The following TGFB1 variants were observed in gnomAD, a reference collection of about 807,000 sequenced individuals.
TGFB1 encodes transforming growth factor beta 1, also known as transforming growth factor beta-1 proprotein.
Under a neutral mutation model 43.8 loss-of-function variants are expected in TGFB1, and 19 were observed. The observed-to-expected ratio is 0.43, with a 90% confidence interval of 0.30 to 0.64. The LOEUF (loss-of-function observed/expected upper bound fraction) is 0.64, where lower values mean the gene tolerates loss of function less well. Ranked by LOEUF, TGFB1 falls within the 30% of genes least tolerant of loss-of-function variation. The pLI is 0.11. For synonymous variants in TGFB1, 221 were observed against 236.3 expected, an observed-to-expected ratio of 0.94 and a Z score of 0.60; for missense variants, 445 against 529.8, an observed-to-expected ratio of 0.84 and a Z score of 1.57.
chr19:41,343,402 G>C (rs2038081093), intron 3 of TGFB1, among the ~76,000 whole-genome samples: 1 of 152,124 alleles, frequency 6.6e-6, no homozygotes. Flanking sequence ...TCAAAGTGCT[G>C]GGATTACAGG....
At chr19:41,339,260 C>G (rs753355008) in intron 5 of TGFB1, among the ~76,000 whole-genome samples, 26 of 151,932 alleles carry the variant, frequency 1.7e-4, no homozygotes, top group Non-Finnish European at 3.5e-4. Context: ...GGACTACAGG[C>G]ACACACCACC....
chr19:41,335,482 AC>A (rs1317813242), intron 5 of TGFB1, among the ~76,000 whole-genome samples: 2 of 152,196 alleles, frequency 1.3e-5, no homozygotes, highest in Non-Finnish European at 2.9e-5. Flanking sequence ...CGGCAGCATC[AC>A]CTGGGAACTA....
intron 5 of TGFB1, among the ~76,000 whole-genome samples, chr19:41,337,289 C>T (rs188079840): frequency 7.9e-5 from 12 of 152,072 alleles, no homozygotes; most frequent in Admixed American, 3.9e-4. Flanking sequence ...TTACAGGGCC[C>T]GCCACCACGC....
rs572758374 is a variant in TGFB1, at chr19:41,341,804, T to C, written c.860+79A>G. On this transcript the variant is annotated intron_variant, in intron 5 of 6. Transcript: ENST00000221930. Reference sequence around the variant, plus strand: ...GCCCAAGCACAGCAGCAGCCAGGTGTCCAACCTGGAGCACCTGGTCAGCAG... The same window carrying C: ...GCCCAAGCACAGCAGCAGCCAGGTGCCCAACCTGGAGCACCTGGTCAGCAG... 8.9e-6 allele frequency: 14 copies of C among 1,569,398 alleles called. No individual in the cohort carries two copies. In the African/African-American group the frequency reaches 1.8e-4, roughly 20 times the overall value.
chr19:41,349,377 C>A (rs1281522922), intron 1 of TGFB1, among the ~76,000 whole-genome samples: 1 of 152,190 alleles, frequency 6.6e-6, no homozygotes, highest in Non-Finnish European at 1.5e-5. Context: ...AGAACCCATT[C>A]CAGTATTATA....
chr19:41,333,349 A>C (rs966941823), intron 5 of TGFB1, among the ~76,000 whole-genome samples: 5 of 150,208 alleles, frequency 3.3e-5, no homozygotes, highest in Non-Finnish European at 7.4e-5. Context: ...AGTAGCTGGG[A>C]TTACAGGCGT....
rs72480426 is a variant in TGFB1, at chr19:41,344,877, G to A, written c.517-13C>T. Reference sequence around the variant, plus strand: ...TGTTGCTGTATTTCTAGAGGATGATGAAGGCAGGAGAGAGACAGTGGGTAG... The same window carrying A: ...TGTTGCTGTATTTCTAGAGGATGATAAAGGCAGGAGAGAGACAGTGGGTAG... On this transcript the variant is annotated splice_polypyrimidine_tract_variant and intron_variant, in intron 2 of 6. Transcript: ENST00000221930. 18 of 1,567,894 alleles carry A rather than the reference G, an allele frequency of 1.1e-5. No homozygotes were observed. Among genetic ancestry groups the A allele is most frequent in the Middle Eastern group, 1.7e-4 (1 of 6,006 alleles).
chr19:41,330,877 AC>A lies in TGFB1; in HGVS notation c.*174del. 1 of 546,800 alleles carries A rather than the reference AC, an allele frequency of 1.8e-6. No homozygotes were observed. Among genetic ancestry groups the A allele is most frequent in the Non-Finnish European group, 3.2e-6 (1 of 316,274 alleles). 33.9% of individuals were successfully genotyped at this position (546,800 alleles called of 1,614,324 possible). ...GAGTGGGGGAACGTCAGGGATGGAG[AC>A]CCCAGGCAGGCGCCCAATGACACAG... On this transcript the variant is annotated 3_prime_UTR_variant, in exon 7 of 7. Transcript: ENST00000221930.
chr19:41,351,384 G>A (rs895528372), intron 1 of TGFB1, among the ~76,000 whole-genome samples: 1 of 152,226 alleles, frequency 6.6e-6, no homozygotes, highest in Non-Finnish European at 1.5e-5. Context: ...GACGGGGCCG[G>A]CTGAGTGGGA....
At chr19:41,336,379 A>G (rs1484379549) in intron 5 of TGFB1, among the ~76,000 whole-genome samples, 1 of 143,240 alleles carries the variant, frequency 7.0e-6, no homozygotes, top group Admixed American at 7.1e-5. Flanking sequence ...ACCCCTATCC[A>G]CTATCTCTTT....
chr19:41,341,714 A>G (rs1241748323), intron 5 of TGFB1, among the ~76,000 whole-genome samples, 169 bp downstream of exon 5: 1 of 151,772 alleles, frequency 6.6e-6, no homozygotes, highest in Non-Finnish European at 1.5e-5. Flanking sequence ...CTGGCACAAG[A>G]CTCCTGGTTC....
At chr19:41,345,739 T>C (rs145884172) in intron 2 of TGFB1, among the ~76,000 whole-genome samples, 3,068 of 151,102 alleles carry the variant, frequency 0.02, 75 homozygotes, top group South Asian at 0.093. Flanking sequence ...TCGTCTCTAC[T>C]AAAAATACAA....
At chr19:41,348,173 C>G in intron 2 of TGFB1, 122 bp downstream of exon 2, 7 of 1,067,802 alleles carry the variant, frequency 6.6e-6, no homozygotes, top group Admixed American at 1.7e-5. Context: ...GGTTTGTGTT[C>G]TTCTATCCTT....
chr19:41,342,018 C>T lies in TGFB1; in HGVS notation c.725G>A (p.Gly242Asp). The T allele has an allele frequency of 1.9e-6, 3 of 1,614,172 alleles. No individual in the cohort carries two copies. The South Asian group carries it at 3.3e-5, about 18-fold the overall frequency. ...LQVDINGFTT[G>D]RRGDLATIHG... ...AATGGTGGCCAGGTCACCTCGGCGG[C>T]CGGTAGTGAACCCTGCTTTGGTGTG... Residue 242 changes from glycine (G) to aspartate (D), a missense_variant, in exon 5 of 7, where the codon GGC becomes GAC. Transcript: ENST00000221930.
intron 6 of TGFB1, 78 bp from the exon 7 acceptor site, chr19:41,331,288 C>G: frequency 2.1e-6 from 3 of 1,416,128 alleles, no homozygotes; most frequent in Non-Finnish European, 2.8e-6. Flanking sequence ...ATCCCCCACC[C>G]GCTACCGCGC....
chr19:41,336,690 G>A (rs918812961), intron 5 of TGFB1, among the ~76,000 whole-genome samples: 9 of 151,988 alleles, frequency 5.9e-5, no homozygotes, highest in South Asian at 2.1e-4. Context: ...GCAGCCAGCC[G>A]ACAATGGTTT....
intron 5 of TGFB1, among the ~76,000 whole-genome samples, chr19:41,340,515 C>T (rs1425996579): frequency 6.6e-6 from 1 of 152,056 alleles, no homozygotes; most frequent in African/African-American, 2.4e-5. Context: ...CTCCAGACCT[C>T]AGGGATCCGC....
rs1484717314 is a variant in TGFB1 at position 41,352,962 on chromosome 19, G to A, written c.83C>T (p.Ala28Val). ...LLVLTPGRPA[A>V]GLSTCKTIDM... ...GATAGTCTTGCAGGTGGATAGTCCC[G>A]CGGCCGGCCGGCCAGGCGTCAGCAC... Residue 28 changes from alanine (A) to valine (V), a missense_variant, in exon 1 of 7, where the codon GCG (alanine) becomes GTG (valine). Ala to Val is a moderately conservative substitution (Grantham distance 64, BLOSUM62 0). This residue lies in a region of TGFB1 where 366 missense variants were observed against 428.8 expected (regional missense o/e 0.85). Coordinates refer to ENST00000221930, the MANE Select transcript of TGFB1 (RefSeq NM_000660.7). The A allele has an allele frequency of 1.9e-6, 3 of 1,546,604 alleles. No homozygotes were observed. Among genetic ancestry groups the A allele is most frequent in the East Asian group, 2.4e-5 (1 of 41,202 alleles).
At chr19:41,347,363 C>A (rs2038127506) in intron 2 of TGFB1, among the ~76,000 whole-genome samples, 1 of 152,086 alleles carries the variant, frequency 6.6e-6, no homozygotes, top group South Asian at 2.1e-4. Flanking sequence ...AAATTTTAAT[C>A]AAGCTAAATG....
Sources: allele counts gnomAD v4.1 joint callset (sites outside exome capture counted in the v4.1 genomes callset), GRCh38; gene constraint gnomAD v4.1.1; regional missense constraint gnomAD v4.1.1; transcripts MANE v1.5; gene names NCBI Gene and HGNC (gene_info 2026-07-23, HGNC 2026-07-21).